R3HDM2: variants seen among roughly 807,000 people sequenced by gnomAD.
The protein encoded by R3HDM2 is R3H domain containing 2.
R3HDM2 carries 38 observed loss-of-function variants against 124.5 expected under a neutral mutation model. That is an observed-to-expected ratio of 0.31 (90% CI 0.24 to 0.40). The LOEUF is 0.40. Ranked by LOEUF, R3HDM2 falls within the 10% of genes least tolerant of loss-of-function variation. The pLI is 1.00. For synonymous variants in R3HDM2, 391 were observed against 448.0 expected (o/e 0.87, Z 1.61); for missense variants, 869 against 1,236.9 (o/e 0.70, Z 4.46).
chr12:57,385,464 G>C (rs374284644), intron 2 of R3HDM2, among the ~76,000 whole-genome samples: 18 of 151,880 alleles, frequency 1.2e-4, no homozygotes, highest in East Asian at 3.9e-4. Flanking sequence ...GAATGGTCTC[G>C]ATCTCCTGAC....
chr12:57,305,588 C>T, intron 3 of R3HDM2: 1 of 398,886 alleles, frequency 2.5e-6, no homozygotes, highest in Non-Finnish European at 4.4e-6. Flanking sequence ...GCCTAATATA[C>T]ACCATGTTAT....
chr12:57,257,840 C>T (rs1182344832), intron 21 of R3HDM2, 150 bp downstream of exon 21: 2 of 816,630 alleles, frequency 2.4e-6, no homozygotes, highest in South Asian at 4.9e-5. Flanking sequence ...TGTCCAAGGC[C>T]TATACAGGGA....
rs557514129 is a variant in R3HDM2, at chr12:57,388,228, G to A, written c.-36+7521C>T. 1.6e-4 allele frequency among the ~76,000 whole-genome samples: 24 copies of A among 152,150 alleles called. No individual in the cohort carries two copies. The East Asian group carries it at 3.9e-3, about 24-fold the overall frequency. ...GATCTGCCCGCCTCAGCCTCCCAAA[G>A]TGCTGGGATTACAGGCGTGAGCCAC... On this transcript the variant is annotated intron_variant, in intron 2 of 23. Transcript: ENST00000402412.
rs2049949228 is a variant in R3HDM2, at chr12:57,296,670, A to AT, written c.561-120dup. The AT allele has an allele frequency of 9.6e-7, 1 of 1,041,202 alleles. No homozygotes were observed. The highest frequency in any genetic ancestry group is 1.6e-5 in the African/African-American group (1 of 61,850). 64.5% of individuals were successfully genotyped at this position (1,041,202 alleles called of 1,614,324 possible). On this transcript the variant is annotated intron_variant, in intron 8 of 23. Transcript: ENST00000402412. This position sits in a 1 kb window ranked among gnomAD's most constrained non-coding sequence, Gnocchi z 4.5. Reference sequence around the variant, plus strand: ...GTTTCTTAGGAGAAATAGACATATTATAAGGAATATAGATATTTACTAAAT... The same window carrying AT: ...GTTTCTTAGGAGAAATAGACATATTATTAAGGAATATAGATATTTACTAAAT...
intron 1 of R3HDM2, among the ~76,000 whole-genome samples, chr12:57,410,318 T>TA (rs56412130): frequency 0.031 from 3,129 of 100,002 alleles, 61 homozygotes; most frequent in Middle Eastern, 0.054. Context: ...AGTATAACCT[T>TA]AAAAAAAAAA....
At chr12:57,380,409 A>G (rs985535532) in intron 2 of R3HDM2, among the ~76,000 whole-genome samples, 2 of 152,218 alleles carry the variant, frequency 1.3e-5, no homozygotes, top group African/African-American at 4.8e-5. Context: ...CCTTGCAGGT[A>G]GACAGAATGA....
chr12:57,367,871 C>G (rs914006906), intron 2 of R3HDM2, among the ~76,000 whole-genome samples: 2 of 151,996 alleles, frequency 1.3e-5, no homozygotes, highest in Non-Finnish European at 2.9e-5. Flanking sequence ...TACAAACCAA[C>G]CAGTCTTGCT....
chr12:57,344,442 A>T (rs1341202006), intron 2 of R3HDM2, among the ~76,000 whole-genome samples: 1 of 152,240 alleles, frequency 6.6e-6, no homozygotes, highest in Non-Finnish European at 1.5e-5. Context: ...TACAATCTAA[A>T]ATTTCCCAGC....
intron 3 of R3HDM2, among the ~76,000 whole-genome samples, chr12:57,306,414 ATTTT>A (rs34606531): frequency 6.7e-6 from 1 of 149,432 alleles, no homozygotes. Context: ...CAAGTTGGCT[ATTTT>A]TTTTTTTTTG....
At chr12:57,255,599 CAG>C (rs1403861042) in intron 23 of R3HDM2, among the ~76,000 whole-genome samples, 1 of 152,214 alleles carries the variant, frequency 6.6e-6, no homozygotes, top group African/African-American at 2.4e-5. Context: ...AATCCCAAGA[CAG>C]ATCTTGTTCA....
At chr12:57,367,600 C>T (rs1230815782) in intron 2 of R3HDM2, among the ~76,000 whole-genome samples, 1 of 152,170 alleles carries the variant, frequency 6.6e-6, no homozygotes, top group East Asian at 1.9e-4. Context: ...TAGTTTCAAC[C>T]CAGAAACTTT....
intron 16 of R3HDM2, 120 bp downstream of exon 16, chr12:57,269,203 T>C: frequency 6.5e-7 from 1 of 1,547,700 alleles, no homozygotes; most frequent in South Asian, 1.2e-5. Context: ...GGTCTGTTCT[T>C]AGGACCCTAA....
intron 2 of R3HDM2, among the ~76,000 whole-genome samples, chr12:57,315,777 T>C (rs1235930578): frequency 6.6e-6 from 1 of 152,216 alleles, no homozygotes; most frequent in African/African-American, 2.4e-5. Context: ...AACTTTAGCT[T>C]CTCACAGATA....
intron 2 of R3HDM2, among the ~76,000 whole-genome samples, chr12:57,351,074 C>T (rs2060628338): frequency 2.0e-5 from 3 of 152,136 alleles, no homozygotes; most frequent in Admixed American, 2.0e-4. Flanking sequence ...TGTACTCTAG[C>T]CTGGGCGACA....
Position 57,280,506 on chromosome 12 carries a change from A to G in R3HDM2, c.1196T>C (p.Val399Ala). 1.9e-6 allele frequency: 3 copies of G among 1,611,270 alleles called. No homozygotes were observed. Among genetic ancestry groups the G allele is most frequent in the Non-Finnish European group, 2.5e-6 (3 of 1,178,378 alleles). The stretch of plus-strand genomic sequence containing the variant: ...CTGGGATGAGGTGACCTGGTTGCAC[A>G]CTTCTGGGGCACCTAGTGCCATACC... ...RPGMALGAPE[V>A]CNQVTSSQSV... The change falls in exon 14 of 24, where the codon GTG becomes GCG. Residue 399 changes from valine (V) to alanine (A), a missense_variant. Physicochemically the swap from Val to Ala is moderately conservative, Grantham distance 64. This residue lies in a region of R3HDM2 where 602 missense variants were observed against 789.2 expected (regional missense o/e 0.76). Transcript: ENST00000402412.
chr12:57,401,117 T>C (rs972847965), intron 1 of R3HDM2, among the ~76,000 whole-genome samples: 3 of 151,746 alleles, frequency 2.0e-5, no homozygotes, highest in Non-Finnish European at 4.4e-5. Context: ...TAAAGAACTA[T>C]GCCCATGTTT....
rs2050009873 is a variant in R3HDM2, at chr12:57,296,885, GA to G, written c.561-335del. On this transcript the variant is annotated intron_variant, in intron 8 of 23. Transcript: ENST00000402412. This position sits in a 1 kb window ranked among gnomAD's most constrained non-coding sequence, Gnocchi z 4.5. ...TCAAGACCAGCCTGGTCAACATGGTGAAACCCCGTCTCTACAAAAAATACAA... is the reference window on the plus strand; with the variant it reads ...TCAAGACCAGCCTGGTCAACATGGTGAACCCCGTCTCTACAAAAAATACAA... 1 of 236,718 alleles carries G rather than the reference GA, an allele frequency of 4.2e-6. No homozygotes were observed. The highest frequency in any genetic ancestry group is 2.3e-5 in the African/African-American group (1 of 43,744). 14.7% of individuals were successfully genotyped at this position (236,718 alleles called of 1,614,324 possible).
chr12:57,349,379 CAAAAAAAAAAAA>C (rs1161831845), intron 2 of R3HDM2, among the ~76,000 whole-genome samples: 48 of 57,742 alleles, frequency 8.3e-4, no homozygotes, highest in Non-Finnish European at 1.0e-3. Flanking sequence ...ACTCCGTCTC[CAAAAAAAAAAAA>C]AAAAAAAAAA....
intron 2 of R3HDM2, among the ~76,000 whole-genome samples, chr12:57,317,633 T>TA (rs148795067): frequency 9.8e-4 from 99 of 100,578 alleles, no homozygotes; most frequent in South Asian, 2.0e-3. Context: ...GGGAGATAGT[T>TA]AAAAAAAAAA....
Sources: allele counts gnomAD v4.1 joint callset (sites outside exome capture counted in the v4.1 genomes callset), GRCh38; gene constraint gnomAD v4.1.1; regional missense constraint gnomAD v4.1.1; non-coding constraint Gnocchi (gnomAD v3.1); transcripts MANE v1.5; gene names NCBI Gene and HGNC (gene_info 2026-07-23, HGNC 2026-07-21).